The following RGS7 variants were observed in gnomAD, a reference collection of about 807,000 sequenced individuals.
RGS7 encodes regulator of G protein signaling 7.
Under a neutral mutation model 81.1 loss-of-function variants are expected in RGS7, and 27 were observed. The observed-to-expected ratio is 0.33, with a 90% CI of 0.25 to 0.46. RGS7 has a LOEUF of 0.46. Among genes scored for constraint, RGS7 ranks in the 20% least tolerant of loss-of-function variants. The probability of loss-of-function intolerance (pLI) is 1.00; values close to 1 mark genes in which losing one functional copy is unlikely to be tolerated. For missense variants in RGS7, 396 were observed against 607.4 expected, an observed-to-expected ratio of 0.65 and a Z score of 3.66; for synonymous variants, 208 against 207.7, an observed-to-expected ratio of 1.00 and a Z score of -0.01.
chr1:240,820,061 C>T (rs994887516), intron 10 of RGS7, among the ~76,000 whole-genome samples: 4 of 151,938 alleles, frequency 2.6e-5, no homozygotes, highest in East Asian at 1.9e-4. Context: ...TTTTGGCAGA[C>T]AAATTATGAA....
chr1:241,040,290 G>A (rs1468598207), intron 3 of RGS7, among the ~76,000 whole-genome samples: 1 of 152,094 alleles, frequency 6.6e-6, no homozygotes, highest in African/African-American at 2.4e-5. Context: ...ACTAGACCAA[G>A]GTTCTTTTCC....
intron 6 of RGS7, among the ~76,000 whole-genome samples, chr1:240,895,678 A>G (rs1305688636): frequency 6.6e-6 from 1 of 152,138 alleles, no homozygotes; most frequent in Non-Finnish European, 1.5e-5. Context: ...TTCTTAATCC[A>G]GTCTATCATT....
intron 3 of RGS7, among the ~76,000 whole-genome samples, chr1:241,091,234 A>G (rs904569506): frequency 4.6e-5 from 7 of 152,036 alleles, no homozygotes; most frequent in Admixed American, 1.3e-4. Context: ...CAAAGTAAAG[A>G]AAAAAAACAG....
At chr1:240,930,035 A>G (rs892357222) in intron 6 of RGS7, among the ~76,000 whole-genome samples, 1 of 152,202 alleles carries the variant, frequency 6.6e-6, no homozygotes, top group African/African-American at 2.4e-5. Context: ...ACACTTGCAG[A>G]AATGACATTT....
intron 4 of RGS7, among the ~76,000 whole-genome samples, chr1:240,957,104 G>GC (rs1197138631): frequency 1.3e-5 from 2 of 152,152 alleles, no homozygotes; most frequent in Admixed American, 6.6e-5. Context: ...CAGTGGACTG[G>GC]CAGAGGCAGA....
At chr1:241,279,451 T>C (rs80054240) in intron 2 of RGS7, among the ~76,000 whole-genome samples, 4,592 of 152,336 alleles carry the variant, frequency 0.03, 207 homozygotes, top group African/African-American at 0.1. Flanking sequence ...GCTGAGCACT[T>C]AGCTATGTAT....
intron 3 of RGS7, among the ~76,000 whole-genome samples, chr1:241,021,236 A>G (rs1027688860): frequency 2.0e-5 from 3 of 152,098 alleles, no homozygotes; most frequent in Non-Finnish European, 4.4e-5. Context: ...TACTGTGAGA[A>G]GCAGGTTTGC....
chr1:240,776,413 A>C, intron 18 of RGS7, among the ~76,000 whole-genome samples, 200 bp from the exon 19 acceptor site: 1 of 147,358 alleles, frequency 6.8e-6, no homozygotes, highest in African/African-American at 2.6e-5. Flanking sequence ...AAACAAAACT[A>C]TCCTCCCTCC....
At chr1:241,208,225 TAGAA>T (rs1473670819) in intron 2 of RGS7, among the ~76,000 whole-genome samples, 2 of 151,952 alleles carry the variant, frequency 1.3e-5, no homozygotes, top group Admixed American at 6.6e-5. Context: ...TTTTTGAAAA[TAGAA>T]AGAGTAGTAA....
Position 241,030,373 on chromosome 1 carries a change from T to TATATATATATATAC in RGS7, c.176-47245_176-47244insGTATATATATATAT, listed in dbSNP as rs374223475. 2.2e-3 allele frequency among the ~76,000 whole-genome samples: 292 copies of TATATATATATATAC among 135,220 alleles called. 7 individuals are homozygous for TATATATATATATAC. The highest frequency in any genetic ancestry group is 7.1e-3 in the African/African-American group (250 of 35,318). The allele number at this position is 135,220 out of a possible 152,430, so 88.7% of individuals were successfully genotyped here. Reference sequence around the variant, plus strand: ...CCAGAACTTATAGCATATATATATATACATACACACATACATACACACACA... The same window carrying TATATATATATATAC: ...CCAGAACTTATAGCATATATATATATATATATATATATACACATACACACATACATACACACACA... On this transcript the variant is annotated intron_variant, in intron 3 of 18. Coordinates refer to ENST00000440928, the MANE Select transcript of RGS7 (RefSeq NM_001364886.1).
intron 18 of RGS7, among the ~76,000 whole-genome samples, chr1:240,780,122 C>G (rs190420085): frequency 6.6e-6 from 1 of 152,086 alleles, no homozygotes; most frequent in African/African-American, 2.4e-5. Context: ...GCATATATAC[C>G]TATTCTGAGA....
At chr1:240,897,901 C>A (rs1026663700) in intron 6 of RGS7, among the ~76,000 whole-genome samples, 4 of 152,144 alleles carry the variant, frequency 2.6e-5, no homozygotes, top group African/African-American at 9.7e-5. Context: ...GGCTGTGAAT[C>A]CGTCTGGTAC....
chr1:240,998,695 C>A, intron 3 of RGS7: 1 of 1,152,020 alleles, frequency 8.7e-7, no homozygotes, highest in Admixed American at 1.7e-5. Flanking sequence ...ACACCGGCTG[C>A]TTTAATGAGG....
At chr1:240,985,976 A>AATAG (rs984546359) in intron 3 of RGS7, among the ~76,000 whole-genome samples, 36 of 150,396 alleles carry the variant, frequency 2.4e-4, no homozygotes, top group African/African-American at 8.6e-4. Context: ...TAAATAAATA[A>AATAG]ATAAATAAAT....
chr1:241,134,329 A>G (rs998376150), intron 2 of RGS7, among the ~76,000 whole-genome samples: 1 of 152,232 alleles, frequency 6.6e-6, no homozygotes, highest in Non-Finnish European at 1.5e-5. Flanking sequence ...CGGGGAAACC[A>G]TATGACAAAT....
intron 2 of RGS7, among the ~76,000 whole-genome samples, chr1:241,119,100 TTAAAA>T (rs1389217978): frequency 6.6e-6 from 1 of 151,854 alleles, no homozygotes; most frequent in African/African-American, 2.4e-5. Flanking sequence ...AAATAAAAAA[TTAAAA>T]TAATCAGTAA....
At chr1:241,157,816 CTTTTCTTTTTT>C (rs1258669921) in intron 2 of RGS7, among the ~76,000 whole-genome samples, 3 of 121,950 alleles carry the variant, frequency 2.5e-5, no homozygotes, top group Non-Finnish European at 4.9e-5. Flanking sequence ...CTTTTCTTTT[CTTTTCTTTTTT>C]TTTTTTTTTG....
chr1:240,901,481 G>A (rs1012178591), intron 6 of RGS7, among the ~76,000 whole-genome samples: 20 of 152,310 alleles, frequency 1.3e-4, no homozygotes, highest in African/African-American at 4.8e-4. Flanking sequence ...AGCAATGCAA[G>A]AATAACCTAC....
intron 2 of RGS7, among the ~76,000 whole-genome samples, chr1:241,306,480 A>G (rs1351275788): frequency 6.7e-6 from 1 of 149,650 alleles, no homozygotes; most frequent in African/African-American, 2.5e-5. Flanking sequence ...ACTCACACAC[A>G]CACGCACACA....
Sources: gnomAD v4.1 joint callset for allele counts (sites outside exome capture counted in the v4.1 genomes callset) on GRCh38, gnomAD v4.1.1 for gene constraint, MANE v1.5 for transcripts, NCBI Gene and HGNC (gene_info 2026-07-23, HGNC 2026-07-21) for gene names.